Variants in ATP6V0A2 observed in about 807,000 individuals in gnomAD.
ATP6V0A2 encodes ATPase H+ transporting V0 subunit a2.
In ATP6V0A2, 58 loss-of-function variants were observed where a neutral mutation model predicts 104.4. The ratio of observed to expected loss-of-function variants is 0.56; its 90% confidence interval spans 0.45 to 0.69. The LOEUF (loss-of-function observed/expected upper bound fraction) is 0.69, where lower values mean the gene tolerates loss of function less well. Ranked by LOEUF, ATP6V0A2 falls within the 30% of genes least tolerant of loss-of-function variation. ATP6V0A2 has a pLI of 0.00. For synonymous variants in ATP6V0A2, 376 were observed against 397.9 expected (o/e 0.95, Z 0.65); for missense variants, 938 against 1,062.9 (o/e 0.88, Z 1.63).
At chr12:123,715,039 G>A (rs540513502) in intron 1 of ATP6V0A2, among the ~76,000 whole-genome samples, 6 of 152,224 alleles carry the variant, frequency 3.9e-5, no homozygotes, top group African/African-American at 1.4e-4. Context: ...CTGAGATCGC[G>A]CCACTGCACT....
chr12:123,727,393 C>G (rs943964725), intron 5 of ATP6V0A2, among the ~76,000 whole-genome samples: 17 of 152,120 alleles, frequency 1.1e-4, no homozygotes, highest in Non-Finnish European at 2.4e-4. Context: ...ATTCTCCTGC[C>G]TCAGCCTCCC....
intron 18 of ATP6V0A2, among the ~76,000 whole-genome samples, chr12:123,755,036 T>A (rs1956750032): frequency 6.6e-6 from 1 of 152,210 alleles, no homozygotes; most frequent in Non-Finnish European, 1.5e-5. Context: ...CACAGTGTAG[T>A]TAACACCTGT....
At chr12:123,719,023 C>G (rs1159751660) in intron 2 of ATP6V0A2, among the ~76,000 whole-genome samples, 1 of 152,144 alleles carries the variant, frequency 6.6e-6, no homozygotes, top group Non-Finnish European at 1.5e-5. Context: ...TGGCAGCATA[C>G]TATTTGATTG....
In ATP6V0A2 at chr12:123,718,549, T is replaced by G. The variant is rs551566187; in HGVS notation, c.118-74T>G. ...AGAGTGTACATCCCCCAAACTTTGG[T>G]GATGTTTTATTTTTTACATAAAAGT... On this transcript the variant is annotated intron_variant, in intron 1 of 19. Transcript: ENST00000330342. The G allele has an allele frequency of 7.6e-5, 85 of 1,114,190 alleles. No homozygotes were observed. The East Asian group carries it at 2.0e-3, about 27-fold the overall frequency. The allele number at this position is 1,114,190 out of a possible 1,614,324, so 69.0% of individuals were successfully genotyped here. A position where few individuals can be genotyped will look rare whatever the true frequency, so the allele number is the denominator to read the frequency against.
intron 3 of ATP6V0A2, chr12:123,723,268 A>T (rs1956417630): frequency 1.3e-5 from 2 of 152,298 alleles, no homozygotes; most frequent in Non-Finnish European, 2.9e-5. Context: ...AATTACAAAC[A>T]TAGTGATGAC....
chr12:123,720,091 G>A (rs1168296687), intron 2 of ATP6V0A2, among the ~76,000 whole-genome samples: 1 of 152,124 alleles, frequency 6.6e-6, no homozygotes, highest in African/African-American at 2.4e-5. Flanking sequence ...GACCTCAGGT[G>A]ATCCACTGGC....
intron 8 of ATP6V0A2, among the ~76,000 whole-genome samples, 177 bp downstream of exon 8, chr12:123,735,801 G>A (rs923650996): frequency 2.0e-5 from 3 of 152,146 alleles, no homozygotes; most frequent in African/African-American, 7.2e-5. Context: ...TTAGCAACTT[G>A]TTAGGAACCT....
chr12:123,743,961 C>T (rs973694634), intron 10 of ATP6V0A2, 26 bp downstream of exon 10: 49 of 1,612,604 alleles, frequency 3.0e-5, no homozygotes, highest in South Asian at 1.3e-4. Flanking sequence ...TGTAAATACC[C>T]GTATTTCCAA....
At chr12:123,757,850 T>TA in intron 19 of ATP6V0A2, 77 bp from the exon 20 acceptor site, 2 of 946,554 alleles carry the variant, frequency 2.1e-6, no homozygotes, top group Non-Finnish European at 3.2e-6. Context: ...GGAATTTTTT[T>TA]TTTTAACTTA....
At chr12:123,728,692 G>A (rs1398349487) in intron 6 of ATP6V0A2, among the ~76,000 whole-genome samples, 1 of 152,240 alleles carries the variant, frequency 6.6e-6, no homozygotes, top group African/African-American at 2.4e-5. Flanking sequence ...CTCAGGTCAC[G>A]TGTCTCTGGC....
At chr12:123,729,099 T>G (rs905084283) in intron 6 of ATP6V0A2, among the ~76,000 whole-genome samples, 2 of 152,202 alleles carry the variant, frequency 1.3e-5, no homozygotes, top group Admixed American at 6.5e-5. Context: ...GCTTCCTCAT[T>G]TATTTCCTAT....
intron 6 of ATP6V0A2, chr12:123,730,791 C>T (rs1433213775): frequency 6.6e-6 from 1 of 152,204 alleles, no homozygotes; most frequent in East Asian, 1.9e-4. Context: ...TCTGCAACCT[C>T]CACCTCCCGG....
At position 123,743,882 on chromosome 12, in the gene ATP6V0A2, T is replaced by A. The variant is rs1956634108; in HGVS notation, c.1136T>A (p.Phe379Tyr). The change falls in exon 10 of 20, where the codon TTT becomes TAT. Residue 379 changes from phenylalanine (F) to tyrosine (Y), a missense_variant. By Grantham distance (22) the Phe-to-Tyr change is conservative. Transcript: ENST00000330342. ...RIRTNKFTEG[F>Y]QNIVDAYGVG... ...CGCACCAACAAATTCACCGAGGGAT[T>A]TCAGAACATCGTGGATGCTTATGGA... 6.2e-7 allele frequency: 1 copy of A among 1,614,034 alleles called. No homozygotes were observed. Among genetic ancestry groups the A allele is most frequent in the Non-Finnish European group, 8.5e-7 (1 of 1,180,036 alleles).
intron 6 of ATP6V0A2, 107 bp from the exon 7 acceptor site, chr12:123,733,819 T>C: frequency 1.2e-6 from 1 of 818,844 alleles, no homozygotes; most frequent in Non-Finnish European, 2.2e-6. Context: ...GAGTATTGAC[T>C]GTATTGAATG....
At position 123,758,174 on chromosome 12, in the gene ATP6V0A2, C is replaced by T. The variant is rs999691129; in HGVS notation, c.*142C>T. 5 of 582,928 alleles carry T rather than the reference C, an allele frequency of 8.6e-6. No individual in the cohort carries two copies. The highest frequency in any genetic ancestry group is 1.5e-5 in the Non-Finnish European group (5 of 331,486). 36.1% of individuals were successfully genotyped at this position (582,928 alleles called of 1,614,324 possible). A position where few individuals can be genotyped will look rare whatever the true frequency, so the allele number is the denominator to read the frequency against. ...TAGCCAAATAATTCTGTAAGATATACCTCTTCCTCATATGTTAAATATTTT... is the reference window on the plus strand; with the variant it reads ...TAGCCAAATAATTCTGTAAGATATATCTCTTCCTCATATGTTAAATATTTT... On this transcript the variant is annotated 3_prime_UTR_variant, in exon 20 of 20. Coordinates refer to ENST00000330342, the MANE Select transcript of ATP6V0A2 (RefSeq NM_012463.4).
intron 2 of ATP6V0A2, among the ~76,000 whole-genome samples, chr12:123,720,050 C>A (rs1036670181): frequency 2.0e-5 from 3 of 152,166 alleles, no homozygotes; most frequent in African/African-American, 7.2e-5. Context: ...TGGGTCTATT[C>A]TTCCTTTCTC....
intron 3 of ATP6V0A2, chr12:123,723,879 A>C (rs2135886533): frequency 6.6e-6 from 1 of 152,306 alleles, no homozygotes; most frequent in African/African-American, 2.4e-5. Flanking sequence ...TGTTGCAAAA[A>C]AAGGAAATGT....
intron 2 of ATP6V0A2, among the ~76,000 whole-genome samples, chr12:123,719,755 CTT>C (rs1019635062): frequency 2.0e-5 from 3 of 152,066 alleles, no homozygotes; most frequent in African/African-American, 7.2e-5. Flanking sequence ...AGCCAGCAAA[CTT>C]CACTTATCAG....
chr12:123,734,953 CA>C (rs924603250), intron 7 of ATP6V0A2, among the ~76,000 whole-genome samples: 2 of 152,240 alleles, frequency 1.3e-5, no homozygotes, highest in Admixed American at 1.3e-4. Context: ...TTTAATTTTT[CA>C]AAGGCAGAAC....
Sources: gnomAD v4.1 joint callset for allele counts (sites outside exome capture counted in the v4.1 genomes callset) on GRCh38, gnomAD v4.1.1 for gene constraint, MANE v1.5 for transcripts, NCBI Gene and HGNC (gene_info 2026-07-23, HGNC 2026-07-21) for gene names.